The following NFATC3 variants were observed in gnomAD, a reference collection of about 807,000 sequenced individuals.
The protein encoded by NFATC3 is nuclear factor of activated T cells 3.
In NFATC3, 46 loss-of-function variants were observed where a neutral mutation model predicts 98.6. The ratio of observed to expected loss-of-function variants is 0.47; its 90% CI spans 0.37 to 0.60. NFATC3 has a LOEUF of 0.60. Ranked by LOEUF, NFATC3 falls within the 20% of genes least tolerant of loss-of-function variation. NFATC3 has a pLI of 0.00. For synonymous variants in NFATC3, 512 were observed against 472.2 expected, an observed-to-expected ratio of 1.08 and a Z score of -1.09; for missense variants, 1,256 against 1,295.5, an observed-to-expected ratio of 0.97 and a Z score of 0.47.
At position 68,166,923 on chromosome 16, in the gene NFATC3, A is replaced by G. The variant is rs1419139405; in HGVS notation, c.1682A>G (p.Asn561Ser). ...RKGETDIGRK[N>S]TRVRLVFRVH... ...GGAGAAACTGATATTGGCAGAAAGAATACTAGAGTACGACTTGTGTTTCGT... is the reference window on the plus strand; with the variant it reads ...GGAGAAACTGATATTGGCAGAAAGAGTACTAGAGTACGACTTGTGTTTCGT... The change falls in exon 5 of 10, where the codon AAT becomes AGT. Residue 561 changes from asparagine (N) to serine (S), a missense_variant. Physicochemically the swap from Asn to Ser is conservative, Grantham distance 46. Transcript: ENST00000346183. 8 of 1,614,094 alleles carry G rather than the reference A, an allele frequency of 5.0e-6. No homozygotes were observed. The Admixed American group carries it at 1.3e-4, about 27-fold the overall frequency.
chr16:68,126,973 G>T lies in NFATC3; in HGVS notation c.1401+363G>T, dbSNP rs913177377. ...CTCACGCTTGTAATCCCAGCACTTG[G>T]GGAGGCCGAGGCAGGTGGATCACTA... is the stretch of plus-strand genomic sequence containing the variant. On this transcript the variant is annotated intron_variant, in intron 3 of 9. Transcript: ENST00000346183. Among the ~76,000 whole-genome samples the T allele has an allele frequency of 4.6e-5, 7 of 152,136 alleles. No individual in the cohort carries two copies. In the East Asian group the frequency reaches 1.3e-3, roughly 29 times the overall value.
chr16:68,210,824 C>T (rs569859574), intron 9 of NFATC3, among the ~76,000 whole-genome samples: 26 of 151,734 alleles, frequency 1.7e-4, no homozygotes, highest in Non-Finnish European at 2.1e-4. Flanking sequence ...CTCTGTCGCT[C>T]AGGCAGGAAT....
intron 6 of NFATC3, among the ~76,000 whole-genome samples, chr16:68,176,118 C>T (rs1034317895): frequency 6.6e-6 from 1 of 152,102 alleles, no homozygotes; most frequent in African/African-American, 2.4e-5. Context: ...GCTGGGATTA[C>T]AGGCGCCCAC....
At chr16:68,162,686 G>A (rs1019043375) in intron 4 of NFATC3, among the ~76,000 whole-genome samples, 3 of 151,706 alleles carry the variant, frequency 2.0e-5, no homozygotes, top group Admixed American at 6.6e-5. Flanking sequence ...TTCCGACAAG[G>A]TTGACTTTAT....
intron 9 of NFATC3, among the ~76,000 whole-genome samples, chr16:68,215,908 T>C: frequency 6.6e-6 from 1 of 151,874 alleles, no homozygotes; most frequent in South Asian, 2.1e-4. Flanking sequence ...TTTTGTATTT[T>C]TAGTAGAGAT....
intron 1 of NFATC3, among the ~76,000 whole-genome samples, chr16:68,114,310 C>T (rs1468684396): frequency 1.3e-5 from 2 of 151,972 alleles, no homozygotes; most frequent in East Asian, 1.9e-4. Context: ...CCTCAGTTGA[C>T]GGAGCAGGAT....
At chr16:68,192,265 A>G (rs1309487987) in intron 9 of NFATC3, 1 of 134,284 alleles carries the variant, frequency 7.4e-6, no homozygotes. Flanking sequence ...GTATGTGTAT[A>G]TATATATGTA....
chr16:68,223,298 G>A (rs2041932181), intron 9 of NFATC3, among the ~76,000 whole-genome samples: 1 of 152,186 alleles, frequency 6.6e-6, no homozygotes, highest in East Asian at 1.9e-4. Flanking sequence ...CACTGTGGGA[G>A]GATTGCTTGA....
chr16:68,225,922 G>A (rs1159777057), intron 9 of NFATC3: 1 of 152,712 alleles, frequency 6.5e-6, no homozygotes, highest in East Asian at 1.9e-4. Flanking sequence ...AATAAAGAGT[G>A]CTTGTATTAG....
chr16:68,095,500 T>C (rs1033230855), intron 1 of NFATC3, among the ~76,000 whole-genome samples: 3 of 151,932 alleles, frequency 2.0e-5, no homozygotes, highest in Non-Finnish European at 4.4e-5. Flanking sequence ...ATTACAGATG[T>C]GTGTCACCGT....
At chr16:68,147,336 C>T (rs1388585164) in intron 3 of NFATC3, among the ~76,000 whole-genome samples, 2 of 152,010 alleles carry the variant, frequency 1.3e-5, no homozygotes, top group African/African-American at 4.8e-5. Flanking sequence ...TACTTTAATG[C>T]CTATAATTTT....
intron 1 of NFATC3, among the ~76,000 whole-genome samples, chr16:68,120,788 G>A (rs1283932177): frequency 6.6e-6 from 1 of 151,886 alleles, no homozygotes. Context: ...TCCTACCTTT[G>A]ACTACTTGTT....
chr16:68,134,620 G>A lies in NFATC3; in HGVS notation c.1401+8010G>A, dbSNP rs548296630. The stretch of plus-strand genomic sequence containing the variant: ...ATTGTTGATTAGAGGTGGTGATGGA[G>A]GACATCCTTGTCTTTTTCCCAAACT... On this transcript the variant is annotated intron_variant, in intron 3 of 9. Coordinates refer to ENST00000346183, the MANE Select transcript of NFATC3 (RefSeq NM_173165.3). Among the ~76,000 whole-genome samples the A allele has an allele frequency of 2.6e-5, 4 of 152,236 alleles. No individual in the cohort carries two copies. In the South Asian group the frequency reaches 8.3e-4, roughly 32 times the overall value.
Position 68,174,669 on chromosome 16 carries a change from A to G in NFATC3, c.1915+155A>G, listed in dbSNP as rs574781232. 8.5e-5 allele frequency among the ~76,000 whole-genome samples: 13 copies of G among 152,298 alleles called. No homozygotes were observed. The East Asian group carries it at 1.9e-3, about 23-fold the overall frequency. On this transcript the variant is annotated intron_variant, in intron 6 of 9. Transcript: ENST00000346183. The stretch of plus-strand genomic sequence containing the variant: ...TTATTTTAAACCAAACATTTATTAA[A>G]TTTTCATATAAATGTTAAATTATCT...
At chr16:68,197,805 C>G (rs2040739911) in intron 9 of NFATC3, among the ~76,000 whole-genome samples, 1 of 152,090 alleles carries the variant, frequency 6.6e-6, no homozygotes, top group Non-Finnish European at 1.5e-5. Flanking sequence ...TTTGTTAATT[C>G]TGTTTTATAT....
chr16:68,154,090 C>CGT (rs376838710), intron 3 of NFATC3, among the ~76,000 whole-genome samples: 5 of 151,346 alleles, frequency 3.3e-5, no homozygotes, highest in African/African-American at 9.7e-5. Context: ...CTAGTGTGTG[C>CGT]GTGTGTGTGT....
intron 9 of NFATC3, among the ~76,000 whole-genome samples, chr16:68,219,447 A>G (rs2076435588): frequency 6.6e-6 from 1 of 152,158 alleles, no homozygotes; most frequent in South Asian, 2.1e-4. Flanking sequence ...CTGTAGTCCC[A>G]GCTACTTGGG....
At chr16:68,094,328 C>T (rs2034892756) in intron 1 of NFATC3, among the ~76,000 whole-genome samples, 1 of 151,652 alleles carries the variant, frequency 6.6e-6, no homozygotes, top group Admixed American at 6.6e-5. Context: ...CAAAATTGCC[C>T]TAAACCTGAA....
chr16:68,218,947 A>C (rs2041746793), intron 9 of NFATC3, among the ~76,000 whole-genome samples: 2 of 152,108 alleles, frequency 1.3e-5, no homozygotes, highest in Non-Finnish European at 2.9e-5. Context: ...TTTTATAAAA[A>C]CAACATCTCG....
Sources: allele counts gnomAD v4.1 joint callset (sites outside exome capture counted in the v4.1 genomes callset), GRCh38; gene constraint gnomAD v4.1.1; transcripts MANE v1.5; gene names NCBI Gene and HGNC (gene_info 2026-07-23, HGNC 2026-07-21).